Variants in BTN1A1 observed in about 807,000 individuals in gnomAD.
The protein encoded by BTN1A1 is butyrophilin subfamily 1 member A1, also known as bK14H9.2 (butyrophilin, subfamily 1, member A1).
BTN1A1 carries 26 observed loss-of-function variants against 33.1 expected under a neutral mutation model. That is an observed-to-expected ratio of 0.79 (90% CI 0.58 to 1.09). The LOEUF is 1.09. BTN1A1 is among the 50% of genes least tolerant of loss of function. The pLI, the probability that BTN1A1 is intolerant of heterozygous loss-of-function variation, is 0.00. For missense variants in BTN1A1, 558 were observed against 655.7 expected (o/e 0.85, Z 1.63); for synonymous variants, 235 against 256.2 (o/e 0.92, Z 0.79).
In BTN1A1 at chr6:26,508,642, G is replaced by A. The variant is rs773043636; in HGVS notation, c.1049G>A (p.Arg350His). Residue 350 changes from arginine to histidine, a missense_variant, in exon 8 of 8, where the codon CGT becomes CAT. Arg to His is a conservative substitution (Grantham distance 29). Transcript: ENST00000684113. ...RFDSWPCVLGRETFTSGRHYW... is the reference protein window; with the variant it reads ...RFDSWPCVLGHETFTSGRHYW... ...GACTCCTGGCCCTGTGTGTTGGGCC[G>A]TGAGACCTTCACCTCAGGAAGGCAT... 1.1e-5 allele frequency: 17 copies of A among 1,614,062 alleles called. No homozygotes were observed. The highest frequency in any genetic ancestry group is 1.3e-5 in the African/African-American group (1 of 74,918).
rs778400924 is a variant in BTN1A1 at position 26,501,715 on chromosome 6, A to G, written c.205A>G (p.Lys69Glu). Reference protein sequence around the residue: ...EHLELRWFRKKVSPAVLVHRD... With the variant: ...EHLELRWFRKEVSPAVLVHRD... ...CTTGGAGCTACGCTGGTTCCGAAAG[A>G]AGGTTTCGCCGGCCGTGCTGGTGCA... Residue 69 changes from lysine (K) to glutamate (E), a missense_variant, in exon 3 of 8, where the codon AAG becomes GAG. Lys to Glu is a moderately conservative substitution (Grantham distance 56). Coordinates refer to ENST00000684113, the MANE Select transcript of BTN1A1 (RefSeq NM_001732.3). This position sits in a 1 kb window ranked among gnomAD's most constrained non-coding sequence, Gnocchi z 5.2. The G allele has an allele frequency of 2.7e-5, 44 of 1,613,782 alleles. No homozygotes were observed. In the Admixed American group the frequency reaches 7.0e-4, roughly 26 times the overall value.
Position 26,501,372 on chromosome 6 carries a change from C to T in BTN1A1, c.79+7C>T, listed in dbSNP as rs746821911. The T allele has an allele frequency of 1.4e-5, 18 of 1,318,046 alleles. No individual in the cohort carries two copies. The highest frequency in any genetic ancestry group is 1.5e-5 in the Non-Finnish European group (14 of 955,088). The allele number at this position is 1,318,046 out of a possible 1,614,324, so 81.6% of individuals were successfully genotyped here. A position where few individuals can be genotyped will look rare whatever the true frequency, so the allele number is the denominator to read the frequency against. ...CTGCCCAAACTGGATTCAGGTAAGT[C>T]TCTCTCTCTCTCTGGGCTGCATAGT... On this transcript the variant is annotated splice_region_variant and intron_variant, in intron 2 of 7. Transcript: ENST00000684113. The surrounding 1 kb of genome is among the most constrained non-coding windows in gnomAD (Gnocchi z 5.2).
chr6:26,507,444 C>T (rs1048620562), intron 5 of BTN1A1, among the ~76,000 whole-genome samples: 6 of 152,064 alleles, frequency 3.9e-5, no homozygotes, highest in Non-Finnish European at 7.3e-5. Flanking sequence ...GATCTGAGGC[C>T]GGGCGCAGTG....
Position 26,509,652 on chromosome 6 carries a change from A to ATAC in BTN1A1, c.*478_*479insTAC. ...GGGAATATTATGATGGAGGGAAGTG[A>ATAC]GGTGAATCCAGGCACATGATGAACA... On this transcript the variant is annotated 3_prime_UTR_variant, in exon 8 of 8. Coordinates refer to ENST00000684113, the MANE Select transcript of BTN1A1 (RefSeq NM_001732.3). The ATAC allele has an allele frequency of 2.5e-5, 4 of 158,580 alleles. No individual in the cohort carries two copies. The highest frequency in any genetic ancestry group is 1.9e-4 in the South Asian group (1 of 5,278). 9.8% of individuals were successfully genotyped at this position (158,580 alleles called of 1,614,324 possible).
Position 26,509,199 on chromosome 6 carries a change from C to T in BTN1A1, c.*25C>T, listed in dbSNP as rs968084092. 2.5e-6 allele frequency: 4 copies of T among 1,573,498 alleles called. No homozygotes were observed. The stretch of plus-strand genomic sequence containing the variant: ...AGGAATATCTCAGCTCATCTGTTTT[C>T]CTTTCCTCTAACCCCTCTCCTCCAT... On this transcript the variant is annotated 3_prime_UTR_variant, in exon 8 of 8. Transcript: ENST00000684113.
chr6:26,504,968 T>C lies in BTN1A1; in HGVS notation c.471T>C (p.Asn157=), dbSNP rs757404083. 2 of 1,614,154 alleles carry C rather than the reference T, an allele frequency of 1.2e-6. No individual in the cohort carries two copies. Among genetic ancestry groups the C allele is most frequent in the Non-Finnish European group, 1.7e-6 (2 of 1,180,000 alleles). Residue 157 remains asparagine (N), a synonymous_variant, in exon 4 of 8, where the codon AAT becomes AAC. Coordinates refer to ENST00000684113, the MANE Select transcript of BTN1A1 (RefSeq NM_001732.3). ...DPHISMQVQE[N]GEICLECTSV... is the part of the protein sequence containing the mutation. ...ACATCAGTATGCAAGTTCAAGAGAA[T>C]GGAGAAATCTGTCTGGAGTGCACCT...
At position 26,506,716 on chromosome 6, in the gene BTN1A1, T is replaced by C; in HGVS notation, c.743T>C (p.Val248Ala). 11 of 1,614,120 alleles carry C rather than the reference T, an allele frequency of 6.8e-6. No individual in the cohort carries two copies. Among genetic ancestry groups the C allele is most frequent in the Non-Finnish European group, 9.3e-6 (11 of 1,180,016 alleles). Residue 248 changes from valine to alanine, a missense_variant, in exon 5 of 8, where the codon GTG becomes GCG. By Grantham distance (64) the Val-to-Ala change is moderately conservative (BLOSUM62 0). Coordinates refer to ENST00000684113, the MANE Select transcript of BTN1A1 (RefSeq NM_001732.3). Reference sequence around the variant, plus strand: ...CTCCCAAGGCTGACTCCCTGGATAGTGGCTGTGGCTGTCATCCTGATGGTT... The same window carrying C: ...CTCCCAAGGCTGACTCCCTGGATAGCGGCTGTGGCTGTCATCCTGATGGTT... The part of the protein sequence containing the change: ...SSLPRLTPWI[V>A]AVAVILMVLG...
chr6:26,509,091 A>C lies in BTN1A1; in HGVS notation c.1498A>C (p.Met500Leu). 2 of 1,614,018 alleles carry C rather than the reference A, an allele frequency of 1.2e-6. No individual in the cohort carries two copies. Among genetic ancestry groups the C allele is most frequent in the Non-Finnish European group, 1.7e-6 (2 of 1,179,916 alleles). Residue 500 changes from methionine (M) to leucine (L), a missense_variant, in exon 8 of 8, where the codon ATG (methionine) becomes CTG (leucine). By Grantham distance (15) the Met-to-Leu change is conservative (BLOSUM62 2). Coordinates refer to ENST00000684113, the MANE Select transcript of BTN1A1 (RefSeq NM_001732.3). The part of the protein sequence containing the change: ...DLSKEIPLSP[M>L]GEDSAPRDAD... ...TTCTAAGGAGATCCCATTGTCCCCC[A>C]TGGGGGAGGACTCTGCCCCTAGGGA...
In BTN1A1 at chr6:26,501,940, G is replaced by A; in HGVS notation, c.427+3G>A. On this transcript the variant is annotated splice_donor_region_variant and intron_variant, in intron 3 of 7. Coordinates refer to ENST00000684113, the MANE Select transcript of BTN1A1 (RefSeq NM_001732.3). This position sits in a 1 kb window ranked among gnomAD's most constrained non-coding sequence, Gnocchi z 5.2. Reference sequence around the variant, plus strand: ...CCTGGTGCATCTGAAGGTGGCTGGTGAGTAGACGGGTTTTGACTTTCTCCG... The same window carrying A: ...CCTGGTGCATCTGAAGGTGGCTGGTAAGTAGACGGGTTTTGACTTTCTCCG... The A allele has an allele frequency of 1.3e-6, 2 of 1,548,966 alleles. No individual in the cohort carries two copies. Among genetic ancestry groups the A allele is most frequent in the Non-Finnish European group, 1.7e-6 (2 of 1,147,466 alleles).
rs755100540 is a variant in BTN1A1, at chr6:26,508,687, G to T, written c.1094G>T (p.Gly365Val). ...AGGCATTACTGGGAGGTGGAGGTGG[G>T]AGACAGGACTGACTGGGCAATCGGC... Reference protein sequence around the residue: ...SGRHYWEVEVGDRTDWAIGVC... With the variant: ...SGRHYWEVEVVDRTDWAIGVC... The change falls in exon 8 of 8, where the codon GGA becomes GTA. Residue 365 changes from glycine (G) to valine (V), a missense_variant. Coordinates refer to ENST00000684113, the MANE Select transcript of BTN1A1 (RefSeq NM_001732.3). 2 of 1,614,190 alleles carry T rather than the reference G, an allele frequency of 1.2e-6. No individual in the cohort carries two copies. The highest frequency in any genetic ancestry group is 2.2e-5 in the South Asian group (2 of 91,092).
In BTN1A1 at chr6:26,508,098, C is replaced by T. The variant is rs1277491340; in HGVS notation, c.907+11C>T. The T allele has an allele frequency of 6.2e-7, 1 of 1,607,060 alleles. No individual in the cohort carries two copies. The highest frequency in any genetic ancestry group is 8.5e-7 in the Non-Finnish European group (1 of 1,177,798). On this transcript the variant is annotated intron_variant, in intron 7 of 7. Transcript: ENST00000684113. ...CTACCTTGCATGCAGGTCAGTGGCT[C>T]TGAACTTCTCTAGGGCTCTGAGGCT... is the stretch of plus-strand genomic sequence containing the variant.
At position 26,501,142 on chromosome 6, in the gene BTN1A1, C is replaced by T. The variant is rs1763792606; in HGVS notation, c.-57-88C>T. On this transcript the variant is annotated intron_variant, in intron 1 of 7. Coordinates refer to ENST00000684113, the MANE Select transcript of BTN1A1 (RefSeq NM_001732.3). The surrounding 1 kb of genome is among the most constrained non-coding windows in gnomAD (Gnocchi z 5.2). Reference sequence around the variant, plus strand: ...GTTTCAGGGGCAAATGACCAGAACACTTGCAGCTGGAAAGAACTGTAGAGA... The same window carrying T: ...GTTTCAGGGGCAAATGACCAGAACATTTGCAGCTGGAAAGAACTGTAGAGA... 1.4e-6 allele frequency: 1 copy of T among 701,030 alleles called. No homozygotes were observed. Among genetic ancestry groups the T allele is most frequent in the East Asian group, 2.7e-5 (1 of 37,400 alleles). 43.4% of individuals were successfully genotyped at this position (701,030 alleles called of 1,614,324 possible).
Position 26,506,670 on chromosome 6 carries a change from G to C in BTN1A1, c.710-13G>C, listed in dbSNP as rs749183799. 1 of 1,612,940 alleles carries C rather than the reference G, an allele frequency of 6.2e-7. No individual in the cohort carries two copies. The highest frequency in any genetic ancestry group is 1.3e-5 in the African/African-American group (1 of 74,970). On this transcript the variant is annotated splice_polypyrimidine_tract_variant and intron_variant, in intron 4 of 7. Transcript: ENST00000684113. ...TTTCTCAACTAATGTCCTTCTTGGG[G>C]ATTTTGTTTTAGCTTCCTCCCTCCC... is the stretch of plus-strand genomic sequence containing the variant.
At position 26,501,666 on chromosome 6, in the gene BTN1A1, G is replaced by A; in HGVS notation, c.156G>A (p.Leu52=). 1 of 1,614,008 alleles carries A rather than the reference G, an allele frequency of 6.2e-7. No homozygotes were observed. Among genetic ancestry groups the A allele is most frequent in the Non-Finnish European group, 8.5e-7 (1 of 1,179,974 alleles). The change falls in exon 3 of 8, where the codon CTG becomes CTA. Residue 52 remains leucine, a synonymous_variant. Coordinates refer to ENST00000684113, the MANE Select transcript of BTN1A1 (RefSeq NM_001732.3). The surrounding 1 kb of genome is among the most constrained non-coding windows in gnomAD (Gnocchi z 5.2). ...AGGACGCCGAGCTGCCCTGTCGCCT[G>A]TCTCCGAACGCGAGCGCCGAGCACT... ...VGEDAELPCR[L]SPNASAEHLE... is the part of the protein sequence containing the mutation.
In BTN1A1 at chr6:26,506,081, T is replaced by C. The variant is rs949748167; in HGVS notation, c.710-602T>C. On this transcript the variant is annotated intron_variant, in intron 4 of 7. Coordinates refer to ENST00000684113, the MANE Select transcript of BTN1A1 (RefSeq NM_001732.3). ...TTGCAGTGAGCTGAGATTGCGCCAC[T>C]GAACTCCACTCCAGCCTGGGTGACA... 2.1e-5 allele frequency among the ~76,000 whole-genome samples: 3 copies of C among 145,504 alleles called. No homozygotes were observed. In the South Asian group the frequency reaches 6.5e-4, roughly 31 times the overall value.
intron 5 of BTN1A1, among the ~76,000 whole-genome samples, chr6:26,507,216 G>C (rs553950773): frequency 6.6e-6 from 1 of 152,004 alleles, no homozygotes; most frequent in Admixed American, 6.6e-5. Flanking sequence ...ATAAGACTCC[G>C]TCTCAAAAAA....
intron 4 of BTN1A1, 87 bp downstream of exon 4, chr6:26,505,293 T>C (rs1402392547): frequency 7.4e-7 from 1 of 1,352,066 alleles, no homozygotes; most frequent in Non-Finnish European, 1.0e-6. Context: ...TGTGACCTCA[T>C]GGCAGAGTTG....
chr6:26,502,381 T>C (rs1763812693), intron 3 of BTN1A1, among the ~76,000 whole-genome samples: 6 of 152,314 alleles, frequency 3.9e-5, no homozygotes, highest in Admixed American at 3.3e-4. Flanking sequence ...GGCTGTGTAC[T>C]GGACCATGAA....
At position 26,501,808 on chromosome 6, in the gene BTN1A1, G is replaced by C. The variant is rs141076782; in HGVS notation, c.298G>C (p.Asp100His). Residue 100 changes from aspartate to histidine, a missense_variant, in exon 3 of 8, where the codon GAC becomes CAC. Coordinates refer to ENST00000684113, the MANE Select transcript of BTN1A1 (RefSeq NM_001732.3). This position sits in a 1 kb window ranked among gnomAD's most constrained non-coding sequence, Gnocchi z 5.2. ...EYRGRATLVQ[D>H]GIAKGRVALR... ...CCGCGGGCGGGCGACGCTGGTCCAG[G>C]ACGGCATCGCCAAGGGGCGCGTGGC... 2.5e-6 allele frequency: 4 copies of C among 1,613,242 alleles called. No homozygotes were observed. In the Admixed American group the frequency reaches 6.7e-5, roughly 27 times the overall value.
Sources: allele counts gnomAD v4.1 joint callset (sites outside exome capture counted in the v4.1 genomes callset), GRCh38; gene constraint gnomAD v4.1.1; non-coding constraint Gnocchi (gnomAD v3.1); transcripts MANE v1.5; gene names NCBI Gene and HGNC (gene_info 2026-07-23, HGNC 2026-07-21).